The following SLC9C2 variants were observed in gnomAD, a reference collection of about 807,000 sequenced individuals.
The protein encoded by SLC9C2 is solute carrier family 9 member C2 (putative), also known as sodium/hydrogen exchanger 11.
SLC9C2 carries 75 observed loss-of-function variants against 140.2 expected under a neutral mutation model. The observed-to-expected ratio is 0.53, with a 90% CI of 0.44 to 0.65. The LOEUF is 0.65. Among genes scored for constraint, SLC9C2 ranks in the 30% least tolerant of loss-of-function variants. The pLI, the probability that SLC9C2 is intolerant of heterozygous loss-of-function variation, is 0.00. For synonymous variants in SLC9C2, 375 were observed against 420.9 expected (o/e 0.89, Z 1.34); for missense variants, 1,074 against 1,331.8 (o/e 0.81, Z 3.01).
At chr1:173,523,906 G>A (rs1661005705) in intron 21 of SLC9C2, 63 bp downstream of exon 21, 1 of 1,554,100 alleles carries the variant, frequency 6.4e-7, no homozygotes, top group Admixed American at 2.0e-5. Flanking sequence ...CTTTCATTAG[G>A]GAGTGGAAAA....
At chr1:173,507,084 A>C in intron 24 of SLC9C2, 43 bp from the exon 25 acceptor site, 1 of 1,412,698 alleles carries the variant, frequency 7.1e-7, no homozygotes. Context: ...ATACAAACTG[A>C]CAGATGGTAT....
intron 11 of SLC9C2, among the ~76,000 whole-genome samples, chr1:173,553,475 A>G (rs1275689783): frequency 1.3e-5 from 2 of 152,258 alleles, no homozygotes; most frequent in African/African-American, 4.8e-5. Context: ...GTTGTCTTAA[A>G]GAAATTGCCA....
intron 13 of SLC9C2, among the ~76,000 whole-genome samples, chr1:173,542,811 C>G (rs551267525): frequency 2.6e-5 from 4 of 152,260 alleles, no homozygotes; most frequent in Non-Finnish European, 5.9e-5. Context: ...ATTCAACAGC[C>G]CTACATGCTA....
chr1:173,561,777 A>G (rs951461370), intron 9 of SLC9C2, among the ~76,000 whole-genome samples: 19 of 151,924 alleles, frequency 1.3e-4, no homozygotes, highest in Non-Finnish European at 2.4e-4. Context: ...ACCAGTGACC[A>G]ATCATACATG....
chr1:173,590,475 C>T (rs574195160), intron 4 of SLC9C2, among the ~76,000 whole-genome samples: 69 of 152,180 alleles, frequency 4.5e-4, no homozygotes, highest in African/African-American at 1.6e-3. Context: ...CCTAAAACCA[C>T]GGATAGTACC....
chr1:173,511,218 G>A (rs561137015), intron 23 of SLC9C2, among the ~76,000 whole-genome samples: 2 of 151,806 alleles, frequency 1.3e-5, no homozygotes, highest in Non-Finnish European at 2.9e-5. Flanking sequence ...TTTTAGTAGG[G>A]ATGGGGTTTC....
chr1:173,560,599 C>A (rs1402535026), intron 9 of SLC9C2, among the ~76,000 whole-genome samples: 1 of 152,170 alleles, frequency 6.6e-6, no homozygotes, highest in African/African-American at 2.4e-5. Flanking sequence ...CCAACTCTGC[C>A]TTCCACACTT....
intron 9 of SLC9C2, 62 bp from the exon 10 acceptor site, chr1:173,557,570 A>C (rs755403776): frequency 1.6e-5 from 23 of 1,459,770 alleles, no homozygotes; most frequent in Non-Finnish European, 2.0e-5. Context: ...TTCATAGTTG[A>C]AAGCAAGTAC....
chr1:173,588,281 T>C (rs1246594451), intron 4 of SLC9C2, among the ~76,000 whole-genome samples: 4 of 152,174 alleles, frequency 2.6e-5, no homozygotes, highest in East Asian at 1.9e-4. Context: ...AGTTCTGCAA[T>C]AGAGAAAGGG....
chr1:173,576,346 T>C (rs1665178457), intron 8 of SLC9C2, among the ~76,000 whole-genome samples: 2 of 152,188 alleles, frequency 1.3e-5, no homozygotes, highest in Admixed American at 6.5e-5. Context: ...TACTGTTATT[T>C]AGGTATATTA....
intron 11 of SLC9C2, among the ~76,000 whole-genome samples, chr1:173,548,860 G>A (rs1663054438): frequency 6.6e-6 from 1 of 152,200 alleles, no homozygotes; most frequent in Non-Finnish European, 1.5e-5. Context: ...AGTGTAAAGT[G>A]TACAGGTGGA....
chr1:173,548,683 A>G, intron 11 of SLC9C2, 131 bp from the exon 12 acceptor site: 2 of 900,362 alleles, frequency 2.2e-6, no homozygotes, highest in South Asian at 1.6e-5. Context: ...GAGCAAGGAC[A>G]ATTTTTCATA....
Position 173,522,498 on chromosome 1 carries a change from G to A in SLC9C2, c.2641-1099C>T, listed in dbSNP as rs151119585. Among the ~76,000 whole-genome samples, 60 of 152,330 alleles carry A rather than the reference G, an allele frequency of 3.9e-4. No homozygotes were observed. The East Asian group carries it at 6.2e-3, about 16-fold the overall frequency. On this transcript the variant is annotated intron_variant, in intron 21 of 27. Transcript: ENST00000367714. Reference sequence around the variant, plus strand: ...CATCCACTAGGCATCAGCAGGCGCAGTGCCTGCATCTACAATACTTTTAGA... The same window carrying A: ...CATCCACTAGGCATCAGCAGGCGCAATGCCTGCATCTACAATACTTTTAGA...
intron 21 of SLC9C2, among the ~76,000 whole-genome samples, chr1:173,521,766 G>C (rs1488883406): frequency 1.3e-5 from 2 of 149,978 alleles, no homozygotes; most frequent in African/African-American, 4.9e-5. Context: ...TGAGGCTTGG[G>C]TTATAATGGT....
At chr1:173,561,703 C>G (rs1015154480) in intron 9 of SLC9C2, among the ~76,000 whole-genome samples, 1 of 152,132 alleles carries the variant, frequency 6.6e-6, no homozygotes. Context: ...AGGACATCAG[C>G]AACTGGTCCC....
chr1:173,544,009 A>G (rs1035031479), intron 13 of SLC9C2, among the ~76,000 whole-genome samples: 4 of 152,226 alleles, frequency 2.6e-5, no homozygotes, highest in Admixed American at 1.3e-4. Flanking sequence ...GACAAATGGG[A>G]TCTAATTAAA....
chr1:173,569,024 G>T (rs1217726432), intron 9 of SLC9C2, among the ~76,000 whole-genome samples: 1 of 152,040 alleles, frequency 6.6e-6, no homozygotes, highest in East Asian at 1.9e-4. Context: ...GCTTTTGTTT[G>T]TCTGGGAAAG....
intron 9 of SLC9C2, among the ~76,000 whole-genome samples, chr1:173,561,116 C>A (rs1230149938): frequency 1.3e-5 from 2 of 152,158 alleles, no homozygotes; most frequent in African/African-American, 4.8e-5. Context: ...TTTCTTAAGC[C>A]TCCCATATGA....
chr1:173,540,329 C>G (rs1164070743), intron 13 of SLC9C2, among the ~76,000 whole-genome samples: 1 of 152,190 alleles, frequency 6.6e-6, no homozygotes, highest in Non-Finnish European at 1.5e-5. Flanking sequence ...CCTGGATTGC[C>G]AACACACAGA....
Sources: gnomAD v4.1 joint callset for allele counts (sites outside exome capture counted in the v4.1 genomes callset) on GRCh38, gnomAD v4.1.1 for gene constraint, MANE v1.5 for transcripts, NCBI Gene and HGNC (gene_info 2026-07-23, HGNC 2026-07-21) for gene names.